COL22A1: variants seen among roughly 807,000 people sequenced by gnomAD.
COL22A1 encodes the protein collagen alpha-1(XXII) chain.
A neutral mutation model predicts 248.9 loss-of-function variants in COL22A1; 221 were observed. The observed-to-expected ratio is 0.89, with a 90% confidence interval of 0.80 to 0.99. The LOEUF (loss-of-function observed/expected upper bound fraction) is 0.99. Among genes scored for constraint, COL22A1 ranks in the 50% least tolerant of loss-of-function variants. COL22A1 has a pLI of 0.00. For missense variants in COL22A1, 2,240 were observed against 2,179.0 expected, an observed-to-expected ratio of 1.03 and a Z score of -0.56; for synonymous variants, 891 against 793.4, an observed-to-expected ratio of 1.12 and a Z score of -2.07.
At chr8:138,826,845 G>A (rs1209651325) in intron 5 of COL22A1, 64 bp from the exon 6 acceptor site, 2 of 1,589,044 alleles carry the variant, frequency 1.3e-6, no homozygotes, top group Non-Finnish European at 1.7e-6. Flanking sequence ...AGCAAAGTGA[G>A]CCCACACAAC....
Position 138,690,875 on chromosome 8 carries a change from C to G in COL22A1, c.2755-1G>C. On this transcript the variant is annotated splice_acceptor_variant, in intron 35 of 64. Coordinates refer to ENST00000303045, the MANE Select transcript of COL22A1 (RefSeq NM_152888.3). LOFTEE classifies it high-confidence loss of function. Reference sequence around the variant, plus strand: ...GGGCACCGACATGTCCGGGAGCACCCTGTTCAGAGACAGAAGTTTAGAAAG... The same window carrying G: ...GGGCACCGACATGTCCGGGAGCACCGTGTTCAGAGACAGAAGTTTAGAAAG... The G allele has an allele frequency of 1.9e-6, 3 of 1,608,332 alleles. No homozygotes were observed. Among genetic ancestry groups the G allele is most frequent in the Non-Finnish European group, 2.5e-6 (3 of 1,177,540 alleles).
intron 3 of COL22A1, among the ~76,000 whole-genome samples, chr8:138,849,761 CA>C (rs934186063): frequency 1.6e-4 from 24 of 152,188 alleles, no homozygotes; most frequent in Non-Finnish European, 2.8e-4. Context: ...AGCCAAGGCT[CA>C]GAGAGGTTAA....
chr8:138,684,639 C>G (rs1482337570), intron 38 of COL22A1, among the ~76,000 whole-genome samples, 170 bp from the exon 39 acceptor site: 1 of 152,152 alleles, frequency 6.6e-6, no homozygotes, highest in Non-Finnish European at 1.5e-5. Context: ...CCACAAGGCC[C>G]TGGATGTGAA....
rs202114295 is a variant in COL22A1 at position 138,807,788 on chromosome 8, T to C, written c.1474A>G (p.Met492Val). 6.4e-5 allele frequency: 104 copies of C among 1,614,030 alleles called. No homozygotes were observed. In the East Asian group the frequency reaches 2.2e-3, roughly 35 times the overall value. Residue 492 changes from methionine to valine, a missense_variant, in exon 10 of 65, where the codon ATG (methionine) becomes GTG (valine). Met to Val is a conservative substitution (Grantham distance 21). Coordinates refer to ENST00000303045, the MANE Select transcript of COL22A1 (RefSeq NM_152888.3). ...CTGACCTTTGGACCAGGGAGCCCCA[T>C]GGGGCCAGCAACTCCCATTTCACCC... The part of the protein sequence containing the change: ...EKGEMGVAGP[M>V]GLPGPKGDIG...
chr8:138,877,312 CG>C (rs1823795094), intron 3 of COL22A1, among the ~76,000 whole-genome samples: 1 of 152,196 alleles, frequency 6.6e-6, no homozygotes, highest in African/African-American at 2.4e-5. Context: ...ACTGCCCCTT[CG>C]GAGACCCTGC....
chr8:138,856,098 C>T (rs559480966), intron 3 of COL22A1, among the ~76,000 whole-genome samples: 1 of 152,318 alleles, frequency 6.6e-6, no homozygotes, highest in East Asian at 1.9e-4. Context: ...GGGGCCTGCT[C>T]ATTAGCAGCT....
At chr8:138,742,093 A>G (rs1355582365) in intron 22 of COL22A1, among the ~76,000 whole-genome samples, 2 of 116,742 alleles carry the variant, frequency 1.7e-5, no homozygotes, top group African/African-American at 6.7e-5. Flanking sequence ...TGGTGATGAT[A>G]GTAGCCATGG....
chr8:138,867,814 T>G (rs1266019735), intron 3 of COL22A1, among the ~76,000 whole-genome samples: 1 of 152,258 alleles, frequency 6.6e-6, no homozygotes, highest in Non-Finnish European at 1.5e-5. Flanking sequence ...GTCGCCAGAC[T>G]GGAGTTCAGT....
At chr8:138,806,754 G>A (rs1366455291) in intron 10 of COL22A1, among the ~76,000 whole-genome samples, 1 of 152,164 alleles carries the variant, frequency 6.6e-6, no homozygotes, top group Non-Finnish European at 1.5e-5. Context: ...ACCCCACAGC[G>A]CCTGCTGTCT....
intron 22 of COL22A1, among the ~76,000 whole-genome samples, chr8:138,745,790 G>C (rs890582844): frequency 9.2e-5 from 14 of 152,190 alleles, no homozygotes; most frequent in Non-Finnish European, 1.9e-4. Flanking sequence ...CACTGCTGCA[G>C]TGGCCTTGAG....
intron 22 of COL22A1, among the ~76,000 whole-genome samples, chr8:138,740,612 G>C (rs1831477140): frequency 1.3e-5 from 2 of 152,160 alleles, no homozygotes; most frequent in Non-Finnish European, 2.9e-5. Context: ...AATTGATCTG[G>C]AAGAGCAGAT....
At chr8:138,596,725 G>A (rs1269956420) in intron 62 of COL22A1, among the ~76,000 whole-genome samples, 179 bp downstream of exon 62, 5 of 152,180 alleles carry the variant, frequency 3.3e-5, no homozygotes, top group Non-Finnish European at 7.3e-5. Context: ...CCTAGAGAAA[G>A]TATGTGTCAG....
At chr8:138,594,657 G>A (rs1817374487) in intron 62 of COL22A1, among the ~76,000 whole-genome samples, 1 of 152,228 alleles carries the variant, frequency 6.6e-6, no homozygotes, top group African/African-American at 2.4e-5. Flanking sequence ...GATGATGCAT[G>A]TGGAATAGTG....
chr8:138,659,916 C>T (rs1823629387), intron 44 of COL22A1, among the ~76,000 whole-genome samples: 1 of 152,218 alleles, frequency 6.6e-6, no homozygotes, highest in African/African-American at 2.4e-5. Flanking sequence ...TGACCTCACC[C>T]AGTCAAGCGC....
intron 16 of COL22A1, 78 bp from the exon 17 acceptor site, chr8:138,762,544 C>A: frequency 7.3e-7 from 1 of 1,366,130 alleles, no homozygotes; most frequent in Admixed American, 1.8e-5. Context: ...CCCACAGTGA[C>A]CGTCATGGAC....
chr8:138,901,358 G>GTTTTTTT lies in COL22A1; in HGVS notation c.-73+12254_-73+12260dup, dbSNP rs146670099. On this transcript the variant is annotated intron_variant, in intron 1 of 64. Coordinates refer to ENST00000303045, the MANE Select transcript of COL22A1 (RefSeq NM_152888.3). ...CCTCAGATCCACTCATTACTGGCAGGTTTTTTTTTTGTTTTTTTTTTTTTT... is the reference window on the plus strand; with the variant it reads ...CCTCAGATCCACTCATTACTGGCAGGTTTTTTTTTTTTTTTTTGTTTTTTTTTTTTTT... Among the ~76,000 whole-genome samples, 33 of 131,502 alleles carry GTTTTTTT rather than the reference G, an allele frequency of 2.5e-4. 1 individual carries two copies. Among genetic ancestry groups the GTTTTTTT allele is most frequent in the East Asian group, 4.7e-4 (2 of 4,216 alleles). The allele number at this position is 131,502 out of a possible 152,430, so 86.3% of individuals were successfully genotyped here. A position where few individuals can be genotyped will look rare whatever the true frequency, so the allele number is the denominator to read the frequency against.
chr8:138,756,514 G>A (rs949233994), intron 18 of COL22A1, among the ~76,000 whole-genome samples: 2 of 152,082 alleles, frequency 1.3e-5, no homozygotes, highest in African/African-American at 4.8e-5. Flanking sequence ...GGTGCCTTAT[G>A]GCTAAAGCAA....
intron 47 of COL22A1, 146 bp downstream of exon 47, chr8:138,646,483 A>G (rs1207313719): frequency 1.9e-6 from 1 of 537,546 alleles, no homozygotes; most frequent in South Asian, 3.7e-5. Flanking sequence ...TCAATAGGAT[A>G]GTCAGTGCCA....
intron 3 of COL22A1, among the ~76,000 whole-genome samples, chr8:138,852,682 C>T (rs1172012416): frequency 2.6e-5 from 4 of 152,192 alleles, no homozygotes; most frequent in Non-Finnish European, 5.9e-5. Context: ...CTCACAGCCT[C>T]CAATCTTGAA....
Sources: allele counts gnomAD v4.1 joint callset (sites outside exome capture counted in the v4.1 genomes callset), GRCh38; gene constraint gnomAD v4.1.1; transcripts MANE v1.5; gene names NCBI Gene and HGNC (gene_info 2026-07-23, HGNC 2026-07-21).